CFAP96: variants seen among roughly 807,000 people sequenced by gnomAD.
The protein encoded by CFAP96 is cilia and flagella associated protein 96.
chr4:185,436,470 G>T, the CFAP96 span: 1 of 748,042 alleles, frequency 1.3e-6, no homozygotes, highest in Non-Finnish European at 2.2e-6. Context: ...CCAGCACTTG[G>T]GGTGGCCGAG....
the CFAP96 span, among the ~76,000 whole-genome samples, chr4:185,413,225 T>A: frequency 6.6e-6 from 1 of 151,920 alleles, no homozygotes; most frequent in African/African-American, 2.4e-5. Flanking sequence ...CTGTCTCTAC[T>A]AAAAATACAA....
chr4:185,438,130 A>C, the CFAP96 span, among the ~76,000 whole-genome samples: 1 of 151,974 alleles, frequency 6.6e-6, no homozygotes, highest in East Asian at 1.9e-4. Flanking sequence ...TAGTTTTTCA[A>C]ATCAAATTTG....
At chr4:185,428,055 C>T in the CFAP96 span, among the ~76,000 whole-genome samples, 9 of 150,092 alleles carry the variant, frequency 6.0e-5, no homozygotes, top group Admixed American at 2.7e-4. Context: ...TATTGCACTC[C>T]ATCCTGGGCT....
the CFAP96 span, among the ~76,000 whole-genome samples, chr4:185,416,601 G>A: frequency 2.2e-5 from 3 of 136,958 alleles, no homozygotes; most frequent in Non-Finnish European, 3.3e-5. Context: ...AAAAATGAAC[G>A]TGTTATGTGT....
the CFAP96 span, chr4:185,416,011 A>C: frequency 1.7e-6 from 1 of 602,626 alleles, no homozygotes; most frequent in South Asian, 2.9e-5. Context: ...AGGGGGAAAG[A>C]GTAGAGAACA....
At chr4:185,422,403 A>T in the CFAP96 span, 4 of 993,280 alleles carry the variant, frequency 4.0e-6, no homozygotes, top group Admixed American at 2.3e-5. Context: ...TCTCTCTCTC[A>T]GTTTCATTTG....
chr4:185,408,522 CTTAGAG>C, the CFAP96 span: 11 of 1,351,256 alleles, frequency 8.1e-6, no homozygotes, highest in Admixed American at 9.7e-5. Context: ...GTTTAATGTT[CTTAGAG>C]TTAGACTGTT....
chr4:185,448,812 G>A, the CFAP96 span, among the ~76,000 whole-genome samples: 1 of 152,300 alleles, frequency 6.6e-6, no homozygotes, highest in Non-Finnish European at 1.5e-5. Flanking sequence ...GGTTTTCTAT[G>A]TGTCCTCTTC....
chr4:185,417,682 A>G, the CFAP96 span, among the ~76,000 whole-genome samples: 1 of 152,036 alleles, frequency 6.6e-6, no homozygotes, highest in Non-Finnish European at 1.5e-5. Context: ...ACGCATCTCC[A>G]TTTTCTATCT....
the CFAP96 span, among the ~76,000 whole-genome samples, chr4:185,434,579 C>G: frequency 6.6e-6 from 1 of 152,070 alleles, no homozygotes. Flanking sequence ...TATAATTAGA[C>G]TAGCTTTCCT....
chr4:185,426,192 T>G, the CFAP96 span: 3 of 415,234 alleles, frequency 7.2e-6, no homozygotes, highest in African/African-American at 2.0e-5. Flanking sequence ...GTGCTTGGAA[T>G]GGATTCTCCC....
chr4:185,423,382 G>A, the CFAP96 span, among the ~76,000 whole-genome samples: 1 of 152,220 alleles, frequency 6.6e-6, no homozygotes, highest in Non-Finnish European at 1.5e-5. Context: ...TCATACTGAG[G>A]GTGGGATATC....
chr4:185,413,606 T>C, the CFAP96 span: 1 of 996,120 alleles, frequency 1.0e-6, no homozygotes, highest in Non-Finnish European at 1.4e-6. Flanking sequence ...CAGAGATGGG[T>C]GATAAATCAT....
the CFAP96 span, among the ~76,000 whole-genome samples, chr4:185,417,183 C>T: frequency 6.6e-6 from 1 of 152,140 alleles, no homozygotes; most frequent in African/African-American, 2.4e-5. Context: ...CTGTGGTATT[C>T]CTGCCAATAG....
At chr4:185,443,888 C>G in the CFAP96 span, among the ~76,000 whole-genome samples, 3 of 142,794 alleles carry the variant, frequency 2.1e-5, no homozygotes, top group Non-Finnish European at 4.6e-5. Context: ...TGTCTTCAAT[C>G]TGGAAAACCT....
At chr4:185,430,927 A>G in the CFAP96 span, among the ~76,000 whole-genome samples, 1 of 142,394 alleles carries the variant, frequency 7.0e-6, no homozygotes, top group East Asian at 2.1e-4. Context: ...ACTCAGTGAT[A>G]CTGGCCAGGC....
At chr4:185,412,369 C>T in the CFAP96 span, among the ~76,000 whole-genome samples, 26 of 152,142 alleles carry the variant, frequency 1.7e-4, no homozygotes, top group African/African-American at 6.3e-4. Context: ...GCCCTGAGTA[C>T]ACTCTAATGA....
At chr4:185,447,244 C>G in the CFAP96 span, among the ~76,000 whole-genome samples, 4 of 151,754 alleles carry the variant, frequency 2.6e-5, no homozygotes, top group South Asian at 2.1e-4. Context: ...TGCAGTGGCA[C>G]GATCTCGGCT....
chr4:185,422,223 A>T, the CFAP96 span, among the ~76,000 whole-genome samples: 1 of 152,242 alleles, frequency 6.6e-6, no homozygotes, highest in Non-Finnish European at 1.5e-5. Flanking sequence ...GGATATTTAC[A>T]TTTATTGTAA....
Sources: gnomAD v4.1 joint callset for allele counts (sites outside exome capture counted in the v4.1 genomes callset) on GRCh38, gnomAD v4.1.1 for gene constraint, MANE v1.5 for transcripts, NCBI Gene and HGNC (gene_info 2026-07-23, HGNC 2026-07-21) for gene names.